Variants in ASIC2 observed in about 807,000 individuals in gnomAD.
The protein encoded by ASIC2 is acid-sensing ion channel 2.
In ASIC2, 25 loss-of-function variants were observed where a neutral mutation model predicts 57.3. The observed-to-expected ratio is 0.44, with a 90% confidence interval of 0.32 to 0.61. ASIC2 has a LOEUF of 0.61. Among genes scored for constraint, ASIC2 ranks in the 20% least tolerant of loss-of-function variants. ASIC2 has a pLI of 0.06. For missense variants in ASIC2, 641 were observed against 738.1 expected (o/e 0.87, Z 1.52); for synonymous variants, 319 against 307.5 (o/e 1.04, Z -0.39).
chr17:33,024,015 C>T lies in ASIC2; in HGVS notation c.1196-1G>A. ...TTGCTGTCCTTTTCCGCCAACAGAC[C>T]TGGAGGGGAGAGTGAGGTGGGGCTT... On this transcript the variant is annotated splice_acceptor_variant, in intron 5 of 9. Coordinates refer to ENST00000225823, the MANE Select transcript of ASIC2 (RefSeq NM_183377.2). LOFTEE classifies it high-confidence loss of function. The T allele has an allele frequency of 6.2e-7, 1 of 1,613,976 alleles. No homozygotes were observed. The highest frequency in any genetic ancestry group is 8.5e-7 in the Non-Finnish European group (1 of 1,179,986).
chr17:33,842,897 C>T (rs1227602958), intron 1 of ASIC2, among the ~76,000 whole-genome samples: 1 of 151,978 alleles, frequency 6.6e-6, no homozygotes, highest in Non-Finnish European at 1.5e-5. Flanking sequence ...GCGGGGAGAG[C>T]CAGGATGGAT....
intron 1 of ASIC2, among the ~76,000 whole-genome samples, chr17:34,028,202 T>C (rs1425208495): frequency 6.6e-6 from 1 of 152,162 alleles, no homozygotes; most frequent in Non-Finnish European, 1.5e-5. Flanking sequence ...AGAGATATTT[T>C]AGTTTGTGAG....
At chr17:33,295,023 A>C (rs757769222), upstream of ASIC2, among the ~76,000 whole-genome samples, 1 of 152,194 alleles carries the variant, frequency 6.6e-6, no homozygotes, top group Non-Finnish European at 1.5e-5. Flanking sequence ...GCAGTTACTG[A>C]TGAAGCAACC....
At chr17:33,801,333 G>A (rs561437449) in intron 1 of ASIC2, among the ~76,000 whole-genome samples, 2 of 152,290 alleles carry the variant, frequency 1.3e-5, no homozygotes, top group East Asian at 1.9e-4. Context: ...CCAGGCTTTC[G>A]TTTTTCACCT....
At chr17:33,845,200 T>C (rs1913546888) in intron 1 of ASIC2, among the ~76,000 whole-genome samples, 1 of 152,260 alleles carries the variant, frequency 6.6e-6, no homozygotes. Context: ...TGATACCTAA[T>C]TCTATCATTT....
At chr17:33,098,895 A>G (rs1260421610) in intron 2 of ASIC2, among the ~76,000 whole-genome samples, 1 of 151,680 alleles carries the variant, frequency 6.6e-6, no homozygotes, top group Non-Finnish European at 1.5e-5. Context: ...CTCTGCTTAC[A>G]GTATATATAT....
intron 1 of ASIC2, chr17:33,681,018 G>A (rs1567687450): frequency 6.6e-6 from 1 of 152,204 alleles, no homozygotes; most frequent in Non-Finnish European, 1.5e-5. Flanking sequence ...CTCCTCCCCA[G>A]GAACCAACCA....
intron 1 of ASIC2, among the ~76,000 whole-genome samples, chr17:33,317,598 CAG>C (rs531538916): frequency 2.0e-4 from 30 of 152,232 alleles, no homozygotes; most frequent in Non-Finnish European, 3.7e-4. Flanking sequence ...AAAAAGTCGA[CAG>C]ATGTTTTTCA....
intron 3 of ASIC2, among the ~76,000 whole-genome samples, chr17:33,086,928 C>T (rs529932534): frequency 4.3e-4 from 66 of 152,252 alleles, no homozygotes; most frequent in African/African-American, 1.6e-3. Flanking sequence ...CTGCTCAAGC[C>T]CTTGCTGTTG....
At chr17:33,840,441 A>T (rs1407126018) in intron 1 of ASIC2, among the ~76,000 whole-genome samples, 1 of 152,236 alleles carries the variant, frequency 6.6e-6, no homozygotes, top group Non-Finnish European at 1.5e-5. Flanking sequence ...GAAGGAGTGT[A>T]TGTACAGCAC....
In ASIC2 at chr17:33,620,240, GAA is replaced by G. The variant is rs35560840; in HGVS notation, c.556-508175_556-508174del. Among the ~76,000 whole-genome samples, 80 of 74,868 alleles carry G rather than the reference GAA, an allele frequency of 1.1e-3. 1 individual carries two copies. The highest frequency in any genetic ancestry group is 2.6e-3 in the African/African-American group (57 of 21,750). 49.1% of individuals were successfully genotyped at this position (74,868 alleles called of 152,430 possible). A position where few individuals can be genotyped will look rare whatever the true frequency, so the allele number is the denominator to read the frequency against. On this transcript the variant is annotated intron_variant, in intron 1 of 9. Transcript: ENST00000359872. ...GAATGGGATCCAAGCAGAGGAAAAT[GAA>G]AAAAAAAAAAAAAAAAAAACACGTC...
chr17:33,061,628 T>G (rs1463959213), intron 3 of ASIC2, among the ~76,000 whole-genome samples: 1 of 152,180 alleles, frequency 6.6e-6, no homozygotes, highest in Non-Finnish European at 1.5e-5. Flanking sequence ...ATTCTCTTTT[T>G]TTGTTGTGTC....
chr17:33,779,858 A>G lies in ASIC2; in HGVS notation c.555+376120T>C, dbSNP rs545813026. 6.7e-5 allele frequency among the ~76,000 whole-genome samples: 10 copies of G among 150,292 alleles called. No homozygotes were observed. In the East Asian group the frequency reaches 1.6e-3, roughly 24 times the overall value. ...ATGTGGCAGGGACTCTTGCTATCAT[A>G]GTTTTATGGATGATGAAATTGAAAT... is the stretch of plus-strand genomic sequence containing the variant. On this transcript the variant is annotated intron_variant, in intron 1 of 9. Transcript: ENST00000359872.
At chr17:33,858,555 T>C (rs895646803) in intron 1 of ASIC2, among the ~76,000 whole-genome samples, 1 of 152,252 alleles carries the variant, frequency 6.6e-6, no homozygotes, top group Non-Finnish European at 1.5e-5. Flanking sequence ...AAAGACAGCC[T>C]GAGTCCCTGT....
chr17:33,080,190 GC>G (rs2092107684), intron 3 of ASIC2, among the ~76,000 whole-genome samples: 1 of 152,066 alleles, frequency 6.6e-6, no homozygotes, highest in Non-Finnish European at 1.5e-5. Flanking sequence ...TATGAAGGGG[GC>G]CAAGGCAGAG....
intron 1 of ASIC2, among the ~76,000 whole-genome samples, chr17:33,305,615 C>A (rs748655671): frequency 6.6e-6 from 1 of 152,130 alleles, no homozygotes; most frequent in Admixed American, 6.5e-5. Flanking sequence ...CAAATAGTCC[C>A]GAATCTTTTA....
At chr17:33,234,378 G>A (rs1025999568) in intron 1 of ASIC2, among the ~76,000 whole-genome samples, 4 of 152,178 alleles carry the variant, frequency 2.6e-5, no homozygotes, top group African/African-American at 9.7e-5. Flanking sequence ...TGCAGAGTCC[G>A]GCTTGGTGGT....
intron 1 of ASIC2, among the ~76,000 whole-genome samples, chr17:33,246,049 T>C (rs1328594298): frequency 2.8e-5 from 4 of 145,048 alleles, no homozygotes; most frequent in African/African-American, 1.0e-4. Flanking sequence ...AAAAAGTCAC[T>C]GTGGATTCCT....
At chr17:33,712,635 G>GTTTTTTTTTT (rs1567695931) in intron 1 of ASIC2, among the ~76,000 whole-genome samples, 60 of 123,314 alleles carry the variant, frequency 4.9e-4, no homozygotes, top group African/African-American at 1.9e-3. Context: ...TACTCATATG[G>GTTTTTTTTTT]CTTTTTTTTT....
Sources: allele counts gnomAD v4.1 joint callset (sites outside exome capture counted in the v4.1 genomes callset), GRCh38; gene constraint gnomAD v4.1.1; transcripts MANE v1.5; gene names NCBI Gene and HGNC (gene_info 2026-07-23, HGNC 2026-07-21).